Variants in MRTFB observed in about 807,000 individuals in gnomAD.
MRTFB encodes the protein myocardin related transcription factor B.
MRTFB carries 29 observed loss-of-function variants against 104.2 expected under a neutral mutation model. The ratio of observed to expected loss-of-function variants is 0.28; its 90% CI spans 0.21 to 0.38. The LOEUF is 0.38. Among genes scored for constraint, MRTFB ranks in the 10% least tolerant of loss-of-function variants. The pLI, the probability that MRTFB is intolerant of heterozygous loss-of-function variation, is 1.00. For missense variants in MRTFB, 1,270 were observed against 1,341.6 expected (o/e 0.95, Z 0.83); for synonymous variants, 535 against 519.5 (o/e 1.03, Z -0.41).
At chr16:14,258,053 T>G (rs1324876352) in intron 15 of MRTFB, 48 bp from the exon 16 acceptor site, 1 of 1,496,146 alleles carries the variant, frequency 6.7e-7, no homozygotes, top group South Asian at 1.1e-5. Context: ...ATATAATGCT[T>G]CCAGGTTTGT....
intron 2 of MRTFB, among the ~76,000 whole-genome samples, chr16:14,081,832 C>T (rs72783444): frequency 0.058 from 8,887 of 152,274 alleles, 503 homozygotes; most frequent in East Asian, 0.3. Flanking sequence ...CCACCCGCCT[C>T]GGCTTCCCAA....
chr16:14,176,067 A>G (rs2039572477), intron 3 of MRTFB, among the ~76,000 whole-genome samples: 1 of 152,170 alleles, frequency 6.6e-6, no homozygotes. Context: ...TATACTTTAA[A>G]TGGATGCACC....
At chr16:14,135,498 A>T (rs1039990554) in intron 2 of MRTFB, among the ~76,000 whole-genome samples, 2 of 152,244 alleles carry the variant, frequency 1.3e-5, no homozygotes, top group Non-Finnish European at 2.9e-5. Context: ...CCTGCAGCCT[A>T]GGAGTGTAGT....
intron 2 of MRTFB, among the ~76,000 whole-genome samples, chr16:14,127,571 G>A (rs960845499): frequency 6.6e-6 from 1 of 150,694 alleles, no homozygotes; most frequent in Non-Finnish European, 1.5e-5. Flanking sequence ...GTGAACCCGG[G>A]AGCAGAGGTT....
chr16:14,259,833 G>A (rs2151477778), intron 16 of MRTFB, among the ~76,000 whole-genome samples: 1 of 152,310 alleles, frequency 6.6e-6, no homozygotes, highest in South Asian at 2.1e-4. Flanking sequence ...TTTTAGAGAT[G>A]ACTACTGATA....
intron 2 of MRTFB, among the ~76,000 whole-genome samples, chr16:14,128,450 T>C (rs570816045): frequency 1.3e-5 from 2 of 152,342 alleles, no homozygotes; most frequent in Admixed American, 6.5e-5. Context: ...ATCTATAACA[T>C]AGCCAGTGAA....
chr16:14,047,901 T>C, the MRTFB span, among the ~76,000 whole-genome samples: 2 of 152,140 alleles, frequency 1.3e-5, no homozygotes, highest in Non-Finnish European at 2.9e-5. Flanking sequence ...AATCATGCCT[T>C]CCCAACCGTC....
At chr16:14,069,894 T>A (rs2033590603), upstream of MRTFB, among the ~76,000 whole-genome samples, 1 of 152,248 alleles carries the variant, frequency 6.6e-6, no homozygotes, top group South Asian at 2.1e-4. Flanking sequence ...GGCTCAGCAC[T>A]TTGTAGCTGC....
intron 1 of MRTFB, among the ~76,000 whole-genome samples, chr16:14,077,574 T>C (rs890134653): frequency 6.6e-6 from 1 of 152,134 alleles, no homozygotes; most frequent in Non-Finnish European, 1.5e-5. Context: ...TTAGAATCGT[T>C]TTGTCTAGTT....
At chr16:14,189,921 C>T (rs28650365) in intron 3 of MRTFB, among the ~76,000 whole-genome samples, 4,068 of 152,216 alleles carry the variant, frequency 0.027, 196 homozygotes, top group African/African-American at 0.093. Context: ...GAGGGGAAAA[C>T]AGCCTTTATT....
chr16:14,115,512 A>G (rs1006188528), intron 2 of MRTFB, among the ~76,000 whole-genome samples: 1 of 152,196 alleles, frequency 6.6e-6, no homozygotes, highest in Non-Finnish European at 1.5e-5. Context: ...TTTATTCAGC[A>G]CCTTGTACAG....
intron 3 of MRTFB, 192 bp downstream of exon 3, chr16:14,140,952 C>T (rs1275150476): frequency 1.8e-6 from 1 of 568,730 alleles, no homozygotes; most frequent in East Asian, 3.0e-5. Flanking sequence ...TCATTATTTT[C>T]CCAGTAAGTA....
intron 2 of MRTFB, among the ~76,000 whole-genome samples, chr16:14,089,325 C>T (rs1567309067): frequency 6.6e-6 from 1 of 152,194 alleles, no homozygotes; most frequent in Non-Finnish European, 1.5e-5. Context: ...GTCTCTCTCA[C>T]CTCTAGAAGC....
At chr16:14,015,098 A>G in the MRTFB span, among the ~76,000 whole-genome samples, 1 of 152,170 alleles carries the variant, frequency 6.6e-6, no homozygotes, top group Admixed American at 6.5e-5. Flanking sequence ...TTGCGGCTCT[A>G]CATGTCTGGT....
chr16:14,024,814 G>T, the MRTFB span, among the ~76,000 whole-genome samples: 3 of 152,096 alleles, frequency 2.0e-5, no homozygotes, highest in African/African-American at 7.2e-5. Flanking sequence ...ATGAGTCAGG[G>T]TCTGTTTTTG....
At chr16:14,076,597 C>T (rs1596700428) in intron 1 of MRTFB, among the ~76,000 whole-genome samples, 1 of 152,316 alleles carries the variant, frequency 6.6e-6, no homozygotes, top group East Asian at 1.9e-4. Context: ...TCACAAATGA[C>T]GCTGTGCTGA....
intron 8 of MRTFB, among the ~76,000 whole-genome samples, chr16:14,229,586 A>C: frequency 6.6e-6 from 1 of 152,234 alleles, no homozygotes; most frequent in East Asian, 1.9e-4. Flanking sequence ...CCTGTGTACC[A>C]TATTCTGCAG....
At chr16:14,163,899 A>G (rs1232229773) in intron 3 of MRTFB, among the ~76,000 whole-genome samples, 1 of 152,016 alleles carries the variant, frequency 6.6e-6, no homozygotes, top group Non-Finnish European at 1.5e-5. Flanking sequence ...AACATACTAG[A>G]GGGAATGGAA....
chr16:14,044,802 A>T, the MRTFB span, among the ~76,000 whole-genome samples: 1 of 152,118 alleles, frequency 6.6e-6, no homozygotes, highest in Non-Finnish European at 1.5e-5. Context: ...GGATATATAG[A>T]AGAGAACCCA....
Sources: gnomAD v4.1 joint callset for allele counts (sites outside exome capture counted in the v4.1 genomes callset) on GRCh38, gnomAD v4.1.1 for gene constraint, MANE v1.5 for transcripts, NCBI Gene and HGNC (gene_info 2026-07-23, HGNC 2026-07-21) for gene names.